The following LPP variants were observed in gnomAD, a reference collection of about 807,000 sequenced individuals.
LPP encodes LIM domain containing preferred translocation partner in lipoma, also known as lipoma-preferred partner.
Under a neutral mutation model 60.4 loss-of-function variants are expected in LPP, and 38 were observed. That is an observed-to-expected ratio of 0.63 (90% confidence interval 0.49 to 0.83). LPP has a LOEUF of 0.83. Among genes scored for constraint, LPP ranks in the 40% least tolerant of loss-of-function variants. The probability of loss-of-function intolerance (pLI) is 0.00; values close to 1 mark genes in which losing one functional copy is unlikely to be tolerated. For synonymous variants in LPP, 328 were observed against 290.8 expected (o/e 1.13, Z -1.30); for missense variants, 902 against 783.6 (o/e 1.15, Z -1.80).
chr3:188,315,327 T>C (rs1191953596), intron 2 of LPP, among the ~76,000 whole-genome samples: 1 of 152,128 alleles, frequency 6.6e-6, no homozygotes, highest in Non-Finnish European at 1.5e-5. Context: ...ATTTATTATT[T>C]ATTTAAAAAA....
chr3:188,476,234 C>G (rs920887722), intron 4 of LPP, among the ~76,000 whole-genome samples: 1 of 151,422 alleles, frequency 6.6e-6, no homozygotes, highest in East Asian at 1.9e-4. Context: ...TTTGTTTTTC[C>G]CTGGGGTCTA....
At chr3:188,156,520 G>C (rs937985005) in intron 1 of LPP, among the ~76,000 whole-genome samples, 3 of 152,132 alleles carry the variant, frequency 2.0e-5, no homozygotes, top group Non-Finnish European at 4.4e-5. Flanking sequence ...ATTCCAATGA[G>C]AGAGGTAATA....
chr3:188,287,959 G>T (rs1004779561), intron 2 of LPP, among the ~76,000 whole-genome samples: 2 of 152,028 alleles, frequency 1.3e-5, no homozygotes, highest in Non-Finnish European at 2.9e-5. Context: ...CATCCTCCCA[G>T]GCTTATTAGC....
chr3:188,160,190 G>A (rs545324322), intron 1 of LPP, among the ~76,000 whole-genome samples: 1 of 152,076 alleles, frequency 6.6e-6, no homozygotes, highest in Non-Finnish European at 1.5e-5. Context: ...GATTACAGGC[G>A]TGAGCCACCA....
At chr3:188,712,465 TA>T (rs1711950963) in intron 8 of LPP, 1 of 152,238 alleles carries the variant, frequency 6.6e-6, no homozygotes, top group Admixed American at 6.5e-5. Context: ...TGAGAGTCCA[TA>T]AGTCTGCCTG....
At chr3:188,688,395 T>C (rs1445759662) in intron 7 of LPP, among the ~76,000 whole-genome samples, 4 of 152,236 alleles carry the variant, frequency 2.6e-5, no homozygotes, top group Non-Finnish European at 5.9e-5. Context: ...TTGGTGTTCA[T>C]AAGGCATTAT....
At chr3:188,696,279 A>C (rs1863223576) in intron 7 of LPP, among the ~76,000 whole-genome samples, 1 of 152,022 alleles carries the variant, frequency 6.6e-6, no homozygotes, top group Non-Finnish European at 1.5e-5. Flanking sequence ...GATACACTTG[A>C]ATAATATTTA....
chr3:188,760,658 C>T (rs1241998494), intron 9 of LPP, among the ~76,000 whole-genome samples: 1 of 152,150 alleles, frequency 6.6e-6, no homozygotes, highest in Non-Finnish European at 1.5e-5. Flanking sequence ...TATAAGATCT[C>T]ACCCTACATT....
intron 6 of LPP, among the ~76,000 whole-genome samples, chr3:188,544,516 C>T (rs1826017571): frequency 6.6e-6 from 1 of 150,830 alleles, no homozygotes; most frequent in South Asian, 2.1e-4. Context: ...CTCATCATCA[C>T]TGGCCATCAG....
At chr3:188,234,729 C>T (rs950215942) in intron 2 of LPP, among the ~76,000 whole-genome samples, 17 of 152,194 alleles carry the variant, frequency 1.1e-4, no homozygotes, top group Non-Finnish European at 2.4e-4. Context: ...CACAAGACTA[C>T]TCAAACTCTG....
chr3:188,839,496 G>A (rs1352161826), intron 9 of LPP, among the ~76,000 whole-genome samples: 3 of 152,146 alleles, frequency 2.0e-5, no homozygotes, highest in Admixed American at 6.5e-5. Context: ...TGCTAACAGG[G>A]TTGTTCATTT....
intron 1 of LPP, among the ~76,000 whole-genome samples, chr3:188,198,790 G>A (rs1024173174): frequency 5.3e-5 from 8 of 152,122 alleles, no homozygotes; most frequent in Admixed American, 3.9e-4. Context: ...AGAGAAACTG[G>A]TGTCCATGAA....
chr3:188,512,613 G>A (rs1315821725), intron 5 of LPP, among the ~76,000 whole-genome samples: 2 of 148,390 alleles, frequency 1.3e-5, no homozygotes, highest in East Asian at 1.9e-4. Flanking sequence ...CCCTCTGTAC[G>A]TTTCCATGGC....
At chr3:188,765,297 AACACAC>A (rs60149759) in intron 9 of LPP, among the ~76,000 whole-genome samples, 5,755 of 144,010 alleles carry the variant, frequency 0.04, 293 homozygotes, top group African/African-American at 0.12. Context: ...TGTCTCACAC[AACACAC>A]ACACACACAC....
intron 7 of LPP, among the ~76,000 whole-genome samples, chr3:188,701,707 ATATT>A (rs1864434873): frequency 6.6e-6 from 1 of 151,500 alleles, no homozygotes; most frequent in African/African-American, 2.4e-5. Flanking sequence ...TTTTTAAAGC[ATATT>A]AGCCACTAAA....
chr3:188,395,483 T>TCTC (rs1238141538), intron 3 of LPP, among the ~76,000 whole-genome samples: 1 of 151,926 alleles, frequency 6.6e-6, no homozygotes, highest in Non-Finnish European at 1.5e-5. Flanking sequence ...CAATCCAGGG[T>TCTC]CTCCTCCCAA....
intron 7 of LPP, among the ~76,000 whole-genome samples, chr3:188,669,164 A>T (rs1000127634): frequency 2.0e-5 from 3 of 152,142 alleles, no homozygotes; most frequent in Admixed American, 1.3e-4. Flanking sequence ...CATGACACTG[A>T]AGAGGACATT....
intron 7 of LPP, among the ~76,000 whole-genome samples, chr3:188,653,220 A>G (rs1852447845): frequency 6.6e-6 from 1 of 152,172 alleles, no homozygotes; most frequent in Non-Finnish European, 1.5e-5. Flanking sequence ...CACCTCTCCT[A>G]ATCTCCCCAA....
intron 8 of LPP, among the ~76,000 whole-genome samples, chr3:188,731,985 T>C (rs957022160): frequency 1.3e-5 from 2 of 152,106 alleles, no homozygotes. Context: ...GAAAAATAGA[T>C]GTGTTAAGGA....
Sources: gnomAD v4.1 joint callset for allele counts (sites outside exome capture counted in the v4.1 genomes callset) on GRCh38, gnomAD v4.1.1 for gene constraint, MANE v1.5 for transcripts, NCBI Gene and HGNC (gene_info 2026-07-23, HGNC 2026-07-21) for gene names.